Variants in CDC40 observed in about 807,000 individuals in gnomAD.
CDC40 encodes the protein pre-mRNA-processing factor 17.
CDC40 carries 27 observed loss-of-function variants against 80.6 expected under a neutral mutation model. That is an observed-to-expected ratio of 0.33 (90% CI 0.25 to 0.46). The LOEUF is 0.46. Among genes scored for constraint, CDC40 ranks in the 20% least tolerant of loss-of-function variants. The pLI, the probability that CDC40 is intolerant of heterozygous loss-of-function variation, is 1.00. For missense variants in CDC40, 486 were observed against 694.1 expected (o/e 0.70, Z 3.37); for synonymous variants, 221 against 232.6 (o/e 0.95, Z 0.45).
intron 5 of CDC40, 190 bp downstream of exon 5, chr6:110,209,413 T>C (rs1186125377): frequency 6.3e-6 from 3 of 477,766 alleles, no homozygotes; most frequent in Non-Finnish European, 1.1e-5. Flanking sequence ...TTACCTTTTC[T>C]GCTGATTTGT....
At chr6:110,191,717 G>T (rs986634715) in intron 1 of CDC40, among the ~76,000 whole-genome samples, 4 of 152,146 alleles carry the variant, frequency 2.6e-5, no homozygotes, top group African/African-American at 9.7e-5. Context: ...AAATGAGTCA[G>T]TGAGGCTGGG....
At chr6:110,226,712 C>G (rs1417657012) in intron 13 of CDC40, among the ~76,000 whole-genome samples, 1 of 151,868 alleles carries the variant, frequency 6.6e-6, no homozygotes, top group Non-Finnish European at 1.5e-5. Context: ...TATGCCCGGC[C>G]AGAGTTTTCT....
intron 13 of CDC40, among the ~76,000 whole-genome samples, chr6:110,227,480 T>C (rs960621779): frequency 6.6e-6 from 1 of 152,200 alleles, no homozygotes; most frequent in Non-Finnish European, 1.5e-5. Context: ...TGCATCTATA[T>C]TTCATGTAGC....
intron 2 of CDC40, among the ~76,000 whole-genome samples, chr6:110,195,337 A>T (rs1777405091): frequency 6.6e-6 from 1 of 151,986 alleles, no homozygotes; most frequent in Non-Finnish European, 1.5e-5. Context: ...TTTTAAAAAG[A>T]TAGAGACCAG....
At chr6:110,214,664 C>A (rs1474746964) in intron 8 of CDC40, among the ~76,000 whole-genome samples, 1 of 152,144 alleles carries the variant, frequency 6.6e-6, no homozygotes, top group Non-Finnish European at 1.5e-5. Flanking sequence ...CAAGGAAATG[C>A]TTTCTATTTT....
At chr6:110,187,519 A>T (rs980679213) in intron 1 of CDC40, among the ~76,000 whole-genome samples, 13 of 152,162 alleles carry the variant, frequency 8.5e-5, no homozygotes, top group African/African-American at 2.9e-4. Context: ...AACTCAGAGG[A>T]TATCTTTATC....
At chr6:110,204,111 CA>C (rs1257096467) in intron 3 of CDC40, among the ~76,000 whole-genome samples, 4 of 152,038 alleles carry the variant, frequency 2.6e-5, no homozygotes, top group Admixed American at 1.3e-4. Context: ...CTCCTGGGTT[CA>C]ACGCCATTCT....
chr6:110,229,271 T>C (rs1217541439), intron 14 of CDC40, among the ~76,000 whole-genome samples: 1 of 152,206 alleles, frequency 6.6e-6, no homozygotes, highest in Non-Finnish European at 1.5e-5. Context: ...TCTGCTTTTC[T>C]AAGCAAGACT....
chr6:110,188,169 A>G (rs1160081689), intron 1 of CDC40, among the ~76,000 whole-genome samples: 2 of 152,196 alleles, frequency 1.3e-5, no homozygotes, highest in Non-Finnish European at 2.9e-5. Context: ...AATAATTTCA[A>G]TTTGGAATAT....
In CDC40 at chr6:110,193,165, T is replaced by A; in HGVS notation, c.190-17T>A. The stretch of plus-strand genomic sequence containing the variant: ...TCATTTATCAGATCATTAATATTTA[T>A]TTGGTATTCTTTTTAGGAAGATTTG... On this transcript the variant is annotated splice_polypyrimidine_tract_variant and intron_variant, in intron 1 of 14. Coordinates refer to ENST00000307731, the MANE Select transcript of CDC40 (RefSeq NM_015891.3). 1 of 1,479,668 alleles carries A rather than the reference T, an allele frequency of 6.8e-7. No individual in the cohort carries two copies. 91.7% of individuals were successfully genotyped at this position (1,479,668 alleles called of 1,614,324 possible).
At chr6:110,185,510 G>A (rs753636997) in intron 1 of CDC40, among the ~76,000 whole-genome samples, 18 of 151,950 alleles carry the variant, frequency 1.2e-4, no homozygotes, top group Non-Finnish European at 2.2e-4. Flanking sequence ...CCAAAGTGCT[G>A]GATCTTTTTT....
intron 1 of CDC40, 99 bp from the exon 2 acceptor site, chr6:110,193,083 A>C: frequency 4.3e-6 from 3 of 701,766 alleles, no homozygotes; most frequent in Non-Finnish European, 7.7e-6. Flanking sequence ...TTATAACCAT[A>C]AAATAGATGT....
In CDC40 at chr6:110,207,553, T is replaced by C; in HGVS notation, c.454T>C (p.Tyr152His). 6.2e-7 allele frequency: 1 copy of C among 1,604,408 alleles called. No individual in the cohort carries two copies. Among genetic ancestry groups the C allele is most frequent in the Non-Finnish European group, 8.5e-7 (1 of 1,171,638 alleles). ...SLDNHQVSAK[Y>H]IGSVEEAEKN... ...AGATAATCATCAAGTGTCTGCTAAATATATTGGTTCTGTAGAAGAAGCTGA... is the reference window on the plus strand; with the variant it reads ...AGATAATCATCAAGTGTCTGCTAAACATATTGGTTCTGTAGAAGAAGCTGA... The change falls in exon 4 of 15, where the codon TAT (tyrosine) becomes CAT (histidine). Residue 152 changes from tyrosine to histidine, a missense_variant. Coordinates refer to ENST00000307731, the MANE Select transcript of CDC40 (RefSeq NM_015891.3).
At chr6:110,218,070 A>G (rs941793410) in intron 10 of CDC40, among the ~76,000 whole-genome samples, 2 of 152,184 alleles carry the variant, frequency 1.3e-5, no homozygotes, top group African/African-American at 4.8e-5. Flanking sequence ...TAGGCCATCT[A>G]ATTGATTTTT....
At chr6:110,189,022 C>A (rs550879962) in intron 1 of CDC40, among the ~76,000 whole-genome samples, 20 of 152,312 alleles carry the variant, frequency 1.3e-4, no homozygotes, top group African/African-American at 4.8e-4. Context: ...ACTAAGAACC[C>A]TGACTGATAC....
intron 4 of CDC40, 26 bp downstream of exon 4, chr6:110,207,615 C>T: frequency 8.9e-7 from 1 of 1,127,108 alleles, no homozygotes; most frequent in East Asian, 2.4e-5. Context: ...CATTTGATAT[C>T]ATATATACCT....
At chr6:110,213,956 T>A (rs1471295553) in intron 8 of CDC40, among the ~76,000 whole-genome samples, 1 of 152,208 alleles carries the variant, frequency 6.6e-6, no homozygotes, top group Non-Finnish European at 1.5e-5. Context: ...TTACCAGTTT[T>A]GTGTCTTCTC....
intron 4 of CDC40, among the ~76,000 whole-genome samples, chr6:110,208,166 G>T (rs1031760134): frequency 6.6e-6 from 1 of 152,172 alleles, no homozygotes; most frequent in Non-Finnish European, 1.5e-5. Flanking sequence ...TAATTTGCTG[G>T]TTGGTTGCAT....
chr6:110,193,112 C>T (rs992064581), intron 1 of CDC40, 70 bp from the exon 2 acceptor site: 7 of 918,918 alleles, frequency 7.6e-6, no homozygotes, highest in Non-Finnish European at 1.3e-5. Flanking sequence ...GCTAGTGTGA[C>T]TTTAATGTGG....
Sources: gnomAD v4.1 joint callset for allele counts (sites outside exome capture counted in the v4.1 genomes callset) on GRCh38, gnomAD v4.1.1 for gene constraint, MANE v1.5 for transcripts, NCBI Gene and HGNC (gene_info 2026-07-23, HGNC 2026-07-21) for gene names.